TMBIM4: variants seen among roughly 807,000 people sequenced by gnomAD.
TMBIM4 encodes protein lifeguard 4.
A neutral mutation model predicts 27.7 loss-of-function variants in TMBIM4; 28 were observed. That is an observed-to-expected ratio of 1.01 (90% CI 0.75 to 1.38). The LOEUF (loss-of-function observed/expected upper bound fraction) is 1.38. Ranked by LOEUF, TMBIM4 falls within the 40% of genes most tolerant of loss-of-function variation. TMBIM4 has a pLI of 0.00. For synonymous variants in TMBIM4, 115 were observed against 113.1 expected, an observed-to-expected ratio of 1.02 and a Z score of -0.11; for missense variants, 265 against 277.5, an observed-to-expected ratio of 0.95 and a Z score of 0.32.
At chr12:66,160,893 T>G (rs903449969) in intron 1 of TMBIM4, among the ~76,000 whole-genome samples, 2 of 134,446 alleles carry the variant, frequency 1.5e-5, no homozygotes, top group Non-Finnish European at 1.6e-5. Flanking sequence ...CGGGCAGAGG[T>G]GCTCCTAACA....
chr12:66,144,925 G>A lies in TMBIM4; in HGVS notation c.464+916C>T, dbSNP rs1254026663. 2.6e-5 allele frequency among the ~76,000 whole-genome samples: 4 copies of A among 152,246 alleles called. No individual in the cohort carries two copies. In the East Asian group the frequency reaches 7.7e-4, roughly 29 times the overall value. On this transcript the variant is annotated intron_variant, in intron 5 of 6. Transcript: ENST00000358230. The stretch of plus-strand genomic sequence containing the variant: ...GCAAGTTTACCAGAAAAGGATTTAA[G>A]AGAGATGATACTGGAATTAATGAAA...
At chr12:66,151,007 T>C (rs1035113731) in intron 3 of TMBIM4, among the ~76,000 whole-genome samples, 3 of 152,164 alleles carry the variant, frequency 2.0e-5, no homozygotes, top group Admixed American at 6.5e-5. Context: ...TCTCAAGCTC[T>C]TACATCCTTA....
Position 66,153,447 on chromosome 12 carries a change from G to A in TMBIM4, c.99C>T (p.Ala33=), listed in dbSNP as rs184358735. The change falls in exon 2 of 7, where the codon GCC becomes GCT. Residue 33 remains alanine (A), a splice_region_variant and synonymous_variant. Coordinates refer to ENST00000358230, the MANE Select transcript of TMBIM4 (RefSeq NM_016056.4). Reference sequence around the variant, plus strand: ...GAATGCTGTAGACTTTTCTCAGAAAGGCTAAAAGAGAAAAAAAATTACATT... The same window carrying A: ...GAATGCTGTAGACTTTTCTCAGAAAAGCTAAAAGAGAAAAAAAATTACATT... ...VASATVHIRM[A]FLRKVYSILS... is the part of the protein sequence containing the mutation. 3,779 of 1,532,310 alleles carry A rather than the reference G, an allele frequency of 2.5e-3. 4 individuals carry two copies. Among genetic ancestry groups the A allele is most frequent in the Non-Finnish European group, 2.7e-3 (3,084 of 1,131,640 alleles). The allele number at this position is 1,532,310 out of a possible 1,614,324, so 94.9% of individuals were successfully genotyped here. A position where few individuals can be genotyped will look rare whatever the true frequency, so the allele number is the denominator to read the frequency against.
intron 3 of TMBIM4, among the ~76,000 whole-genome samples, chr12:66,150,933 C>G (rs2051835107): frequency 6.6e-6 from 1 of 152,182 alleles, no homozygotes; most frequent in Non-Finnish European, 1.5e-5. Flanking sequence ...ATGATATCAT[C>G]ATTTCTGGAA....
In TMBIM4 at chr12:66,137,851, A is replaced by T; in HGVS notation, c.*109T>A. 6.2e-6 allele frequency: 5 copies of T among 805,944 alleles called. No homozygotes were observed. The highest frequency in any genetic ancestry group is 1.8e-5 in the South Asian group (1 of 57,022). The allele number at this position is 805,944 out of a possible 1,614,324, so 49.9% of individuals were successfully genotyped here. ...TAACAGTATTTAATCATTGTTTCAA[A>T]CTTTATTACTTAATGAAACAGTTTC... On this transcript the variant is annotated 3_prime_UTR_variant, in exon 7 of 7. Coordinates refer to ENST00000358230, the MANE Select transcript of TMBIM4 (RefSeq NM_016056.4).
chr12:66,145,632 T>C (rs2051738627), intron 5 of TMBIM4, among the ~76,000 whole-genome samples: 2 of 152,002 alleles, frequency 1.3e-5, no homozygotes. Context: ...CCTTTCACTA[T>C]AGGAGAGAAG....
chr12:66,155,335 T>TGCGAGAGAGAGAGAGAGAGAGAGAGA (rs141188662), intron 1 of TMBIM4, among the ~76,000 whole-genome samples: 1 of 131,600 alleles, frequency 7.6e-6, no homozygotes. Flanking sequence ...TGCACACGTG[T>TGCGAGAGAGAGAGAGAGAGAGAGAGA]GAGAGAGAGA....
chr12:66,152,479 C>T (rs1308401625), intron 2 of TMBIM4, 103 bp from the exon 3 acceptor site: 1 of 701,130 alleles, frequency 1.4e-6, no homozygotes, highest in African/African-American at 1.8e-5. Context: ...TATGAAAGTA[C>T]AGGGGAAAAA....
chr12:66,142,601 T>A lies in TMBIM4; in HGVS notation c.464+3240A>T, dbSNP rs569081326. Among the ~76,000 whole-genome samples, 4 of 152,122 alleles carry A rather than the reference T, an allele frequency of 2.6e-5. 1 individual carries two copies. In the East Asian group the frequency reaches 7.7e-4, roughly 29 times the overall value. On this transcript the variant is annotated intron_variant, in intron 5 of 6. Transcript: ENST00000358230. ...TGTTACAAGAGAGGAACCTTGAATT[T>A]AGGGAAGCAAGTCTTTTTTATAATG...
chr12:66,163,435 C>T (rs868345604), intron 1 of TMBIM4, among the ~76,000 whole-genome samples: 10 of 151,976 alleles, frequency 6.6e-5, no homozygotes, highest in South Asian at 2.1e-4. Context: ...ATTTCTACAG[C>T]GGGGGAAGGC....
At chr12:66,150,695 G>C (rs111416183) in intron 3 of TMBIM4, among the ~76,000 whole-genome samples, 236 of 152,318 alleles carry the variant, frequency 1.5e-3, no homozygotes, top group Non-Finnish European at 2.6e-3. Context: ...TCACACAGGC[G>C]TGAGCCACCA....
chr12:66,165,334 C>T (rs2052107541), intron 1 of TMBIM4, among the ~76,000 whole-genome samples: 1 of 151,908 alleles, frequency 6.6e-6, no homozygotes, highest in Admixed American at 6.6e-5. Flanking sequence ...GTAATCAAAA[C>T]AGTGTGGTAC....
chr12:66,169,083 T>C lies in TMBIM4; in HGVS notation c.97+772A>G, dbSNP rs2052186007. On this transcript the variant is annotated intron_variant, in intron 1 of 6. Coordinates refer to ENST00000358230, the MANE Select transcript of TMBIM4 (RefSeq NM_016056.4). ...AACAAGTTCTAGGCACTAAGATTCT[T>C]AGCACATCAGAACTATCTTCATCTT... 30 of 481,412 alleles carry C rather than the reference T, an allele frequency of 6.2e-5. 1 individual carries two copies. The South Asian group carries it at 8.7e-4, about 14-fold the overall frequency. The allele number at this position is 481,412 out of a possible 1,614,324, so 29.8% of individuals were successfully genotyped here.
intron 3 of TMBIM4, among the ~76,000 whole-genome samples, chr12:66,150,714 C>T (rs892717144): frequency 6.6e-6 from 1 of 152,154 alleles, no homozygotes; most frequent in Non-Finnish European, 1.5e-5. Context: ...CACGCCTGGA[C>T]CAGATTCTTT....
chr12:66,137,837 A>C lies in TMBIM4; in HGVS notation c.*123T>G. 1.4e-6 allele frequency: 1 copy of C among 695,190 alleles called. No homozygotes were observed. Among genetic ancestry groups the C allele is most frequent in the Non-Finnish European group, 2.3e-6 (1 of 426,116 alleles). 43.1% of individuals were successfully genotyped at this position (695,190 alleles called of 1,614,324 possible). A position where few individuals can be genotyped will look rare whatever the true frequency, so the allele number is the denominator to read the frequency against. On this transcript the variant is annotated 3_prime_UTR_variant, in exon 7 of 7. Transcript: ENST00000358230. ...ACAAATAAAGATTGTAACAGTATTT[A>C]ATCATTGTTTCAAACTTTATTACTT...
chr12:66,138,808 C>T (rs769000103), intron 5 of TMBIM4, 39 bp from the exon 6 acceptor site: 31 of 1,453,646 alleles, frequency 2.1e-5, no homozygotes, highest in Non-Finnish European at 2.8e-5. Context: ...AATATTGTTC[C>T]TTACAAAAAA....
rs189480959 is a variant in TMBIM4, at chr12:66,158,221, G to A, written c.98-4773C>T. 5.8e-3 allele frequency among the ~76,000 whole-genome samples: 561 copies of A among 97,128 alleles called. 3 individuals carry two copies. Among genetic ancestry groups the A allele is most frequent in the African/African-American group, 0.024 (527 of 21,786 alleles). The allele number at this position is 97,128 out of a possible 152,430, so 63.7% of individuals were successfully genotyped here. ...AGCCTGGGCGACAGAGTGAGACTCC[G>A]TCTCACAAAAAAAAAAAAAACAAAA... On this transcript the variant is annotated intron_variant, in intron 1 of 6. Coordinates refer to ENST00000358230, the MANE Select transcript of TMBIM4 (RefSeq NM_016056.4).
intron 1 of TMBIM4, among the ~76,000 whole-genome samples, chr12:66,164,414 T>C (rs780070375): frequency 1.2e-4 from 18 of 152,136 alleles, no homozygotes; most frequent in Non-Finnish European, 2.4e-4. Context: ...TCAGAAGGGA[T>C]TGTAGGACAA....
In TMBIM4 at chr12:66,166,554, A is replaced by G. The variant is rs12303177; in HGVS notation, c.97+3301T>C. ...AGTATATGAAAAGATGCTCAACATT[A>G]TAAGTCATTAGAGAATTACAAGTTA... On this transcript the variant is annotated intron_variant, in intron 1 of 6. Coordinates refer to ENST00000358230, the MANE Select transcript of TMBIM4 (RefSeq NM_016056.4). 2.6e-3 allele frequency among the ~76,000 whole-genome samples: 392 copies of G among 152,298 alleles called. 1 individual carries two copies. The highest frequency in any genetic ancestry group is 9.1e-3 in the African/African-American group (378 of 41,568).
Sources: gnomAD v4.1 joint callset for allele counts (sites outside exome capture counted in the v4.1 genomes callset) on GRCh38, gnomAD v4.1.1 for gene constraint, MANE v1.5 for transcripts, NCBI Gene and HGNC (gene_info 2026-07-23, HGNC 2026-07-21) for gene names.